The following MIB1 variants were observed in gnomAD, a reference collection of about 807,000 sequenced individuals.
MIB1 encodes the protein MIB E3 ubiquitin protein ligase 1, also known as E3 ubiquitin-protein ligase MIB1.
A neutral mutation model predicts 124.5 loss-of-function variants in MIB1; 278 were observed. That is an observed-to-expected ratio of 2.23 (90% CI 2.02 to 2.47). MIB1 has a LOEUF of 2.47. Among genes scored for constraint, MIB1 ranks in the 30% most tolerant of loss-of-function variants. MIB1 has a pLI of 0.00. For synonymous variants in MIB1, 446 were observed against 429.4 expected (o/e 1.04, Z -0.48); for missense variants, 957 against 1,254.4 (o/e 0.76, Z 3.58).
chr18:21,869,733 T>C lies in MIB1; in HGVS notation c.*5067T>C, dbSNP rs1262209068. The C allele has an allele frequency of 1.3e-5, 2 of 152,434 alleles. No individual in the cohort carries two copies. The highest frequency in any genetic ancestry group is 2.4e-5 in the African/African-American group (1 of 41,426). The allele number at this position is 152,434 out of a possible 1,614,324, so 9.4% of individuals were successfully genotyped here. A position where few individuals can be genotyped will look rare whatever the true frequency, so the allele number is the denominator to read the frequency against. On this transcript the variant is annotated 3_prime_UTR_variant, in exon 21 of 21. Coordinates refer to ENST00000261537, the MANE Select transcript of MIB1 (RefSeq NM_020774.4). The stretch of plus-strand genomic sequence containing the variant: ...AGAGGAGATCGAGGCCACAGTTTGC[T>C]ATTTTAGTATGAAAGGAGGATCTGT...
chr18:21,729,047 C>A (rs1283370900), intron 1 of MIB1, among the ~76,000 whole-genome samples: 2 of 152,162 alleles, frequency 1.3e-5, no homozygotes, highest in African/African-American at 4.8e-5. Flanking sequence ...TTATGACTCC[C>A]CCAATCATTT....
At chr18:21,731,582 C>T (rs1363131643) in intron 1 of MIB1, among the ~76,000 whole-genome samples, 1 of 151,610 alleles carries the variant, frequency 6.6e-6, no homozygotes, top group African/African-American at 2.4e-5. Context: ...AAATACAAAA[C>T]ATTAGCCGGC....
At chr18:21,850,544 T>C (rs1422799666) in intron 17 of MIB1, among the ~76,000 whole-genome samples, 2 of 152,192 alleles carry the variant, frequency 1.3e-5, no homozygotes, top group Non-Finnish European at 2.9e-5. Flanking sequence ...GGATGGTTTT[T>C]ATGATCCAAA....
At chr18:21,820,961 G>A (rs1276159169) in intron 12 of MIB1, among the ~76,000 whole-genome samples, 1 of 152,114 alleles carries the variant, frequency 6.6e-6, no homozygotes, top group Non-Finnish European at 1.5e-5. Context: ...CAAAACACAT[G>A]GGCAGTGAAT....
intron 6 of MIB1, among the ~76,000 whole-genome samples, chr18:21,791,001 C>T (rs186499081): frequency 6.0e-4 from 91 of 151,992 alleles, no homozygotes; most frequent in Non-Finnish European, 1.0e-3. Context: ...CTCAGGAGTT[C>T]GAGACCAGCC....
At chr18:21,810,583 C>G (rs1011873511) in intron 10 of MIB1, among the ~76,000 whole-genome samples, 1 of 151,706 alleles carries the variant, frequency 6.6e-6, no homozygotes, top group African/African-American at 2.4e-5. Flanking sequence ...AGAAATAAGC[C>G]TTTGCATTAA....
chr18:21,823,580 T>C (rs1175928107), intron 12 of MIB1, among the ~76,000 whole-genome samples: 1 of 152,108 alleles, frequency 6.6e-6, no homozygotes, highest in Non-Finnish European at 1.5e-5. Context: ...TGTTTTCTCA[T>C]AGTATGATAG....
At chr18:21,725,758 G>A (rs1391239458) in intron 1 of MIB1, among the ~76,000 whole-genome samples, 2 of 147,626 alleles carry the variant, frequency 1.4e-5, no homozygotes, top group Non-Finnish European at 3.0e-5. Flanking sequence ...CAGGAAGGAA[G>A]GAAGGAAGGA....
chr18:21,772,151 C>T (rs1226380480), intron 3 of MIB1, among the ~76,000 whole-genome samples: 1 of 151,798 alleles, frequency 6.6e-6, no homozygotes, highest in Non-Finnish European at 1.5e-5. Flanking sequence ...CATAAAATAC[C>T]TGGCTTACAA....
Position 21,765,569 on chromosome 18 carries a change from G to C in MIB1, c.230-203G>C, listed in dbSNP as rs1941972. Among the ~76,000 whole-genome samples, 5,327 of 152,240 alleles carry C rather than the reference G, an allele frequency of 0.035. 342 individuals are homozygous for C. Among genetic ancestry groups the C allele is most frequent in the African/African-American group, 0.12 (5,007 of 41,512 alleles). On this transcript the variant is annotated intron_variant, in intron 1 of 20. Coordinates refer to ENST00000261537, the MANE Select transcript of MIB1 (RefSeq NM_020774.4). ...GTTCTTACTAATGAAAAAGGGAGCA[G>C]AGGGAAAATATATATAATTCGCATT...
At chr18:21,852,381 A>T (rs1234463662) in intron 17 of MIB1, among the ~76,000 whole-genome samples, 1 of 152,212 alleles carries the variant, frequency 6.6e-6, no homozygotes, top group Non-Finnish European at 1.5e-5. Context: ...ATTTTTGGTG[A>T]CACAAGAGAT....
chr18:21,711,293 A>G (rs2040664509), intron 1 of MIB1, among the ~76,000 whole-genome samples: 1 of 151,588 alleles, frequency 6.6e-6, no homozygotes, highest in Non-Finnish European at 1.5e-5. Context: ...TTTTATTTTT[A>G]TTTTTTGAAA....
upstream of MIB1, among the ~76,000 whole-genome samples, chr18:21,739,308 C>A (rs935645233): frequency 1.3e-5 from 2 of 152,078 alleles, no homozygotes. Context: ...GCCTACCAAC[C>A]AAAAGAAGTC....
intron 1 of MIB1, among the ~76,000 whole-genome samples, chr18:21,751,820 A>G (rs76673338): frequency 0.016 from 2,406 of 152,124 alleles, 67 homozygotes; most frequent in African/African-American, 0.054. Flanking sequence ...TGAATATGCA[A>G]TTCTAGATTC....
intron 20 of MIB1, among the ~76,000 whole-genome samples, chr18:21,864,209 C>T (rs1193752927): frequency 1.3e-5 from 2 of 152,084 alleles, no homozygotes; most frequent in Non-Finnish European, 2.9e-5. Flanking sequence ...TGCCCGCGTT[C>T]AAGTGATTCT....
At chr18:21,814,797 C>G (rs1224359717) in intron 10 of MIB1, among the ~76,000 whole-genome samples, 1 of 151,178 alleles carries the variant, frequency 6.6e-6, no homozygotes, top group African/African-American at 2.4e-5. Flanking sequence ...TGGTCTTGAA[C>G]TCCTAACTTC....
Position 21,775,707 on chromosome 18 carries a change from AT to A in MIB1, c.636+1983del, listed in dbSNP as rs542783960. ...TTTTTAGGATTCCAACTGATTGTTA[AT>A]TTTCTTCAAATGAAGCCTGTGTGCT... On this transcript the variant is annotated intron_variant, in intron 4 of 20. Transcript: ENST00000261537. Among the ~76,000 whole-genome samples, 18 of 152,200 alleles carry A rather than the reference AT, an allele frequency of 1.2e-4. 1 individual carries two copies. The East Asian group carries it at 3.5e-3, about 29-fold the overall frequency.
At chr18:21,785,087 C>T (rs2041419282) in intron 6 of MIB1, among the ~76,000 whole-genome samples, 1 of 152,162 alleles carries the variant, frequency 6.6e-6, no homozygotes, top group Admixed American at 6.5e-5. Flanking sequence ...AAGCTGTCCT[C>T]TCTCTCTTTC....
intron 10 of MIB1, among the ~76,000 whole-genome samples, chr18:21,811,636 A>G (rs2041774396): frequency 6.6e-6 from 1 of 152,156 alleles, no homozygotes; most frequent in Non-Finnish European, 1.5e-5. Flanking sequence ...TTCCACTAAG[A>G]AGTATAGATA....
Sources: allele counts gnomAD v4.1 joint callset (sites outside exome capture counted in the v4.1 genomes callset), GRCh38; gene constraint gnomAD v4.1.1; transcripts MANE v1.5; gene names NCBI Gene and HGNC (gene_info 2026-07-23, HGNC 2026-07-21).